GFRA1: variants seen among roughly 807,000 people sequenced by gnomAD.
GFRA1 encodes the protein GDNF family receptor alpha-1.
In GFRA1, 16 loss-of-function variants were observed where a neutral mutation model predicts 51.6. The observed-to-expected ratio is 0.31, with a 90% CI of 0.21 to 0.47. GFRA1 has a LOEUF of 0.47. GFRA1 is among the 20% of genes least tolerant of loss of function. GFRA1 has a pLI of 1.00. For synonymous variants in GFRA1, 270 were observed against 241.3 expected (o/e 1.12, Z -1.10); for missense variants, 530 against 594.3 (o/e 0.89, Z 1.13).
intron 5 of GFRA1, among the ~76,000 whole-genome samples, chr10:116,199,623 T>C (rs1422492737): frequency 6.6e-6 from 1 of 152,250 alleles, no homozygotes; most frequent in Non-Finnish European, 1.5e-5. Flanking sequence ...TTTTATTTCA[T>C]ATGCATTTCA....
intron 5 of GFRA1, among the ~76,000 whole-genome samples, chr10:116,132,924 G>A (rs968994301): frequency 6.6e-6 from 1 of 152,158 alleles, no homozygotes; most frequent in East Asian, 1.9e-4. Context: ...GCGCCTTCTC[G>A]CCTGCGTGGG....
chr10:116,213,347 C>A (rs2134453188), intron 4 of GFRA1, among the ~76,000 whole-genome samples: 1 of 152,170 alleles, frequency 6.6e-6, no homozygotes, highest in East Asian at 1.9e-4. Context: ...TATATAAAGA[C>A]CTTGATTATT....
chr10:116,115,015 G>A (rs780148940), intron 6 of GFRA1, among the ~76,000 whole-genome samples: 7 of 152,098 alleles, frequency 4.6e-5, no homozygotes, highest in Non-Finnish European at 8.8e-5. Context: ...ACTCGCAAAC[G>A]CTTACACTGA....
At chr10:116,174,426 A>C (rs1360841922) in intron 5 of GFRA1, among the ~76,000 whole-genome samples, 1 of 152,216 alleles carries the variant, frequency 6.6e-6, no homozygotes, top group African/African-American at 2.4e-5. Flanking sequence ...ATCATTCTTC[A>C]GCGTCTGGGG....
At chr10:116,252,064 A>G (rs993946766) in intron 4 of GFRA1, among the ~76,000 whole-genome samples, 4 of 136,646 alleles carry the variant, frequency 2.9e-5, no homozygotes, top group Non-Finnish European at 4.6e-5. Flanking sequence ...TGACTTTGTG[A>G]GTGTTTTACA....
intron 4 of GFRA1, among the ~76,000 whole-genome samples, chr10:116,233,698 A>G (rs1188751704): frequency 3.9e-5 from 6 of 152,202 alleles, no homozygotes; most frequent in African/African-American, 1.4e-4. Flanking sequence ...CCCATCTATC[A>G]GGATCTTCCT....
At chr10:116,105,155 T>C (rs1028961841) in intron 6 of GFRA1, among the ~76,000 whole-genome samples, 7 of 152,256 alleles carry the variant, frequency 4.6e-5, no homozygotes, top group East Asian at 1.9e-4. Context: ...TTGTGGATGA[T>C]GAAAGGATCA....
At chr10:116,149,556 A>G (rs1489543103) in intron 5 of GFRA1, among the ~76,000 whole-genome samples, 1 of 152,168 alleles carries the variant, frequency 6.6e-6, no homozygotes. Context: ...AGAAATATAA[A>G]ACGTATTCTC....
At chr10:116,132,093 A>G (rs1958127878) in intron 5 of GFRA1, among the ~76,000 whole-genome samples, 1 of 152,072 alleles carries the variant, frequency 6.6e-6, no homozygotes, top group Non-Finnish European at 1.5e-5. Flanking sequence ...CTGTAGTCCT[A>G]GCTACTCGGG....
chr10:116,076,244 T>C (rs1955614725), intron 9 of GFRA1, among the ~76,000 whole-genome samples: 1 of 152,136 alleles, frequency 6.6e-6, no homozygotes, highest in African/African-American at 2.4e-5. Flanking sequence ...AGCTAATGCC[T>C]GTCTGAAGGC....
intron 4 of GFRA1, among the ~76,000 whole-genome samples, chr10:116,239,462 C>T (rs960651864): frequency 2.6e-5 from 4 of 152,102 alleles, no homozygotes; most frequent in African/African-American, 9.7e-5. Context: ...TGTTATTGAT[C>T]TCACGCAGAG....
chr10:116,203,514 G>A (rs552494281), intron 5 of GFRA1, among the ~76,000 whole-genome samples: 123 of 152,340 alleles, frequency 8.1e-4, no homozygotes, highest in African/African-American at 2.8e-3. Flanking sequence ...GGCTGGAGGG[G>A]ACTGTGCACC....
intron 6 of GFRA1, among the ~76,000 whole-genome samples, chr10:116,108,887 G>A (rs1957095961): frequency 6.6e-6 from 1 of 152,194 alleles, no homozygotes; most frequent in South Asian, 2.1e-4. Context: ...AATAACTGTT[G>A]AATAAATGAG....
intron 5 of GFRA1, among the ~76,000 whole-genome samples, chr10:116,172,638 G>A (rs1961149797): frequency 6.6e-6 from 1 of 152,148 alleles, no homozygotes; most frequent in African/African-American, 2.4e-5. Flanking sequence ...GGCCAGGCAG[G>A]GCACATCTGG....
At position 116,167,951 on chromosome 10, in the gene GFRA1, G is replaced by A. The variant is rs560389467; in HGVS notation, c.434-42394C>T. Among the ~76,000 whole-genome samples the A allele has an allele frequency of 3.3e-5, 5 of 152,246 alleles. No homozygotes were observed. The South Asian group carries it at 1.0e-3, about 32-fold the overall frequency. ...TGGACTTTGGGGACTTGGTGGGGAA[G>A]ATTGGGGGGAGGGTGAGGAATATAG... On this transcript the variant is annotated intron_variant, in intron 5 of 10. Transcript: ENST00000355422.
chr10:116,202,524 C>G (rs1002922636), intron 5 of GFRA1, among the ~76,000 whole-genome samples: 1 of 152,052 alleles, frequency 6.6e-6, no homozygotes, highest in South Asian at 2.1e-4. Context: ...AAGAACTAAC[C>G]GAGACTGGGT....
intron 6 of GFRA1, among the ~76,000 whole-genome samples, chr10:116,097,474 G>A (rs1262872767): frequency 2.6e-5 from 4 of 152,176 alleles, no homozygotes. Context: ...AGGGGCCGGT[G>A]CAGTCCACCC....
intron 5 of GFRA1, among the ~76,000 whole-genome samples, chr10:116,148,079 T>TGTGTGCATGCATGG (rs1958902135): frequency 1.5e-5 from 1 of 66,896 alleles, no homozygotes; most frequent in African/African-American, 5.7e-5. Flanking sequence ...TGTGTGCATG[T>TGTGTGCATGCATGG]GTGTGTGTGC....
intron 5 of GFRA1, among the ~76,000 whole-genome samples, chr10:116,183,335 A>C (rs1005013997): frequency 3.3e-5 from 5 of 152,188 alleles, no homozygotes; most frequent in African/African-American, 1.2e-4. Flanking sequence ...CAATTCTAAC[A>C]GCCTATCCTC....
Sources: gnomAD v4.1 joint callset for allele counts (sites outside exome capture counted in the v4.1 genomes callset) on GRCh38, gnomAD v4.1.1 for gene constraint, MANE v1.5 for transcripts, NCBI Gene and HGNC (gene_info 2026-07-23, HGNC 2026-07-21) for gene names.